The following PRKCZ variants were observed in gnomAD, a reference collection of about 807,000 sequenced individuals.
PRKCZ encodes protein kinase C zeta.
PRKCZ carries 33 observed loss-of-function variants against 79.5 expected under a neutral mutation model. The observed-to-expected ratio is 0.41, with a 90% CI of 0.31 to 0.55. The LOEUF (loss-of-function observed/expected upper bound fraction) is 0.55, where lower values mean the gene tolerates loss of function less well. Among genes scored for constraint, PRKCZ ranks in the 20% least tolerant of loss-of-function variants. PRKCZ has a pLI of 0.19. For missense variants in PRKCZ, 578 were observed against 813.5 expected (o/e 0.71, Z 3.52); for synonymous variants, 342 against 320.9 (o/e 1.07, Z -0.70).
chr1:2,087,374 C>T (rs925672494), intron 4 of PRKCZ, among the ~76,000 whole-genome samples: 14 of 152,120 alleles, frequency 9.2e-5, no homozygotes, highest in East Asian at 5.8e-4. Context: ...TGAGCTGTTG[C>T]GCCCGGCCCC....
intron 4 of PRKCZ, among the ~76,000 whole-genome samples, chr1:2,119,550 A>G (rs1487505435): frequency 2.0e-5 from 3 of 152,030 alleles, no homozygotes; most frequent in Non-Finnish European, 1.5e-5. Flanking sequence ...AGTTTGTGCT[A>G]TTATTTTATC....
Position 2,130,929 on chromosome 1 carries a change from C to T in PRKCZ, c.335-4333C>T, listed in dbSNP as rs183386408. On this transcript the variant is annotated intron_variant, in intron 4 of 17. Coordinates refer to ENST00000378567, the MANE Select transcript of PRKCZ (RefSeq NM_002744.6). The stretch of plus-strand genomic sequence containing the variant: ...CACACTCAGTCTCCACACAGCAGTA[C>T]TCCCGCCTGACACACTCGGTCTCCA... 7.6e-4 allele frequency among the ~76,000 whole-genome samples: 115 copies of T among 152,048 alleles called. 1 individual carries two copies. The highest frequency in any genetic ancestry group is 1.0e-3 in the Non-Finnish European group (71 of 67,990).
intron 16 of PRKCZ, chr1:2,181,886 C>T (rs1005440931): frequency 2.8e-5 from 13 of 456,314 alleles, no homozygotes; most frequent in Non-Finnish European, 5.3e-5. Context: ...ATCTTGTGTC[C>T]CCACAATCCT....
At chr1:2,134,351 G>T (rs1675715056) in intron 4 of PRKCZ, among the ~76,000 whole-genome samples, 1 of 152,082 alleles carries the variant, frequency 6.6e-6, no homozygotes, top group Non-Finnish European at 1.5e-5. Flanking sequence ...GTATATTTGT[G>T]GCACTTTCAT....
rs1435633788 is a variant in PRKCZ, at chr1:2,173,594, G to C, written c.1286-303G>C. Among the ~76,000 whole-genome samples the C allele has an allele frequency of 6.6e-6, 1 of 152,268 alleles. No homozygotes were observed. Among genetic ancestry groups the C allele is most frequent in the African/African-American group, 2.4e-5 (1 of 41,474 alleles). On this transcript the variant is annotated intron_variant, in intron 13 of 17. Coordinates refer to ENST00000378567, the MANE Select transcript of PRKCZ (RefSeq NM_002744.6). This position sits in a 1 kb window ranked among gnomAD's most constrained non-coding sequence, Gnocchi z 5.7. The stretch of plus-strand genomic sequence containing the variant: ...CTGTAGAAGCAGAAACGAGAGAGGA[G>C]GGTCGTCCGCAGGTTCCACCAGTGC...
Position 2,172,908 on chromosome 1 carries a change from T to C in PRKCZ, c.1285+520T>C, listed in dbSNP as rs928696354. ...TGTGAAACGGGGACGTGGGCACGCG[T>C]GTGCAGCCGTGTGTGCGTGTGTGAA... On this transcript the variant is annotated intron_variant, in intron 13 of 17. Transcript: ENST00000378567. This position sits in a 1 kb window ranked among gnomAD's most constrained non-coding sequence, Gnocchi z 7.8. Among the ~76,000 whole-genome samples the C allele has an allele frequency of 1.3e-5, 2 of 151,688 alleles. No individual in the cohort carries two copies. Among genetic ancestry groups the C allele is most frequent in the Admixed American group, 1.3e-4 (2 of 15,248 alleles).
intron 5 of PRKCZ, among the ~76,000 whole-genome samples, chr1:2,138,268 G>A (rs1292521350): frequency 6.6e-6 from 1 of 152,158 alleles, no homozygotes; most frequent in Non-Finnish European, 1.5e-5. Flanking sequence ...GGCATCCGTC[G>A]CTGGGGACTG....
chr1:2,108,288 C>T (rs1302845653), intron 4 of PRKCZ, among the ~76,000 whole-genome samples: 2 of 152,258 alleles, frequency 1.3e-5, no homozygotes, highest in African/African-American at 2.4e-5. Context: ...CTGTTCTGTC[C>T]TGCTCACCTC....
chr1:2,066,745 G>GT (rs1397126016), intron 4 of PRKCZ, among the ~76,000 whole-genome samples: 2 of 152,100 alleles, frequency 1.3e-5, no homozygotes, highest in Non-Finnish European at 2.9e-5. Flanking sequence ...GATCTTTCTT[G>GT]TTTTTTTATT....
chr1:2,147,653 A>G (rs891484472), intron 7 of PRKCZ, among the ~76,000 whole-genome samples: 54 of 130,284 alleles, frequency 4.1e-4, no homozygotes, highest in Admixed American at 2.9e-3. Flanking sequence ...CCATCCATCT[A>G]TTGTCCACTG....
chr1:2,107,739 C>G (rs892264042), intron 4 of PRKCZ, among the ~76,000 whole-genome samples: 1 of 152,234 alleles, frequency 6.6e-6, no homozygotes, highest in African/African-American at 2.4e-5. Context: ...GCCTCTCCGG[C>G]CCTTCGGCAG....
rs977379725 is a variant in PRKCZ, at chr1:2,127,229, C to A, written c.335-8033C>A. Reference sequence around the variant, plus strand: ...GTGGTGCCCAAAACCTTTTCCAAGTCGTCTTCTGTGACTTTAGTGTTATTC... The same window carrying A: ...GTGGTGCCCAAAACCTTTTCCAAGTAGTCTTCTGTGACTTTAGTGTTATTC... On this transcript the variant is annotated intron_variant, in intron 4 of 17. Transcript: ENST00000378567. The surrounding 1 kb of genome is among the most constrained non-coding windows in gnomAD (Gnocchi z 5.1). Among the ~76,000 whole-genome samples, 3 of 152,258 alleles carry A rather than the reference C, an allele frequency of 2.0e-5. No individual in the cohort carries two copies. Among genetic ancestry groups the A allele is most frequent in the Non-Finnish European group, 4.4e-5 (3 of 68,052 alleles).
intron 10 of PRKCZ, chr1:2,169,292 G>A (rs1437632842): frequency 5.2e-6 from 3 of 581,292 alleles, no homozygotes; most frequent in Non-Finnish European, 9.8e-6. Flanking sequence ...GAAGGCCGGC[G>A]AGGCCCCCGC....
intron 4 of PRKCZ, among the ~76,000 whole-genome samples, chr1:2,102,728 G>A (rs566803766): frequency 1.2e-4 from 19 of 152,184 alleles, no homozygotes; most frequent in Non-Finnish European, 2.1e-4. Flanking sequence ...TGTAGAAAGA[G>A]ATCTAAAAAT....
At chr1:2,180,908 A>G (rs1686478788) in intron 16 of PRKCZ, among the ~76,000 whole-genome samples, 1 of 152,136 alleles carries the variant, frequency 6.6e-6, no homozygotes, top group African/African-American at 2.4e-5. Flanking sequence ...CATCATTGCC[A>G]AGAACTGGCT....
chr1:2,104,880 A>G, intron 4 of PRKCZ: 2 of 985,404 alleles, frequency 2.0e-6, no homozygotes, highest in Non-Finnish European at 2.4e-6. Flanking sequence ...TCAGAGAGAG[A>G]AGAGCAGTTT....
intron 4 of PRKCZ, among the ~76,000 whole-genome samples, chr1:2,063,931 C>T (rs1261489957): frequency 4.0e-5 from 6 of 151,354 alleles, no homozygotes; most frequent in African/African-American, 1.2e-4. Flanking sequence ...CTGCAATCTC[C>T]GCCTCCCAGA....
chr1:2,088,273 T>A (rs1400210100), intron 4 of PRKCZ, among the ~76,000 whole-genome samples: 2 of 151,854 alleles, frequency 1.3e-5, no homozygotes, highest in Non-Finnish European at 2.9e-5. Flanking sequence ...CACTGCTCCC[T>A]CCCCCTTGCC....
intron 10 of PRKCZ, among the ~76,000 whole-genome samples, chr1:2,158,099 G>A (rs992142248): frequency 6.6e-6 from 1 of 152,182 alleles, no homozygotes; most frequent in Non-Finnish European, 1.5e-5. Context: ...AAGAGCCGGC[G>A]TGACCCGGCC....
Sources: allele counts gnomAD v4.1 joint callset (sites outside exome capture counted in the v4.1 genomes callset), GRCh38; gene constraint gnomAD v4.1.1; non-coding constraint Gnocchi (gnomAD v3.1); transcripts MANE v1.5; gene names NCBI Gene and HGNC (gene_info 2026-07-23, HGNC 2026-07-21).